VPS41: variants seen among roughly 807,000 people sequenced by gnomAD.
VPS41 encodes VPS41 subunit of HOPS complex.
VPS41 carries 85 observed loss-of-function variants against 130.9 expected under a neutral mutation model. The observed-to-expected ratio is 0.65, with a 90% confidence interval of 0.55 to 0.78. VPS41 has a LOEUF of 0.78. VPS41 is among the 30% of genes least tolerant of loss of function. The pLI is 0.00. For missense variants in VPS41, 874 were observed against 1,018.7 expected (o/e 0.86, Z 1.93); for synonymous variants, 335 against 332.9 (o/e 1.01, Z -0.07).
rs1491194855 is a variant in VPS41, at chr7:38,811,620, C to CAA, written c.450+6196_450+6197insTT. On this transcript the variant is annotated intron_variant, in intron 7 of 28. Transcript: ENST00000310301. ...ATACACACACACACACACACACACACCCCTCCATATATACAGATAGATAGA... is the reference window on the plus strand; with the variant it reads ...ATACACACACACACACACACACACACAACCCTCCATATATACAGATAGATAGA... 4.8e-3 allele frequency among the ~76,000 whole-genome samples: 722 copies of CAA among 149,476 alleles called. 7 individuals carry two copies. The highest frequency in any genetic ancestry group is 0.017 in the African/African-American group (686 of 40,534).
At chr7:38,743,363 GA>G (rs753400430) in intron 24 of VPS41, 38 bp downstream of exon 24, 34 of 1,607,258 alleles carry the variant, frequency 2.1e-5, no homozygotes, top group South Asian at 6.6e-5. Context: ...TACACTGAGA[GA>G]AAAAAAAGTT....
chr7:38,836,507 T>C (rs948818761), intron 4 of VPS41, among the ~76,000 whole-genome samples: 1 of 152,150 alleles, frequency 6.6e-6, no homozygotes, highest in Admixed American at 6.5e-5. Context: ...ATTTTACTTT[T>C]GAGATGTCCA....
At chr7:38,775,031 C>T (rs1293934771) in intron 11 of VPS41, among the ~76,000 whole-genome samples, 2 of 152,094 alleles carry the variant, frequency 1.3e-5, no homozygotes, top group East Asian at 3.9e-4. Context: ...ATGTGACTAT[C>T]CCTGCAACTA....
In VPS41 at chr7:38,763,482, T is replaced by A; in HGVS notation, c.1395A>T (p.Leu465Phe). ...CATAATCACTCTCCAAAAATTCATG[T>A]AAGATCATTTCATAGATGAGTGGTT... Reference protein sequence around the residue: ...VLKPLIYEMILHEFLESDYEG... With the variant: ...VLKPLIYEMIFHEFLESDYEG... The change falls in exon 17 of 29, where the codon TTA (leucine) becomes TTT (phenylalanine). Residue 465 changes from leucine (L) to phenylalanine (F), a missense_variant. By Grantham distance (22) the Leu-to-Phe change is conservative. Coordinates refer to ENST00000310301, the MANE Select transcript of VPS41 (RefSeq NM_014396.4). 6.2e-7 allele frequency: 1 copy of A among 1,607,082 alleles called. No homozygotes were observed. Among genetic ancestry groups the A allele is most frequent in the Non-Finnish European group, 8.5e-7 (1 of 1,177,354 alleles).
At chr7:38,844,418 T>C (rs182284153) in intron 4 of VPS41, among the ~76,000 whole-genome samples, 56 of 152,362 alleles carry the variant, frequency 3.7e-4, no homozygotes, top group East Asian at 7.7e-4. Flanking sequence ...GTTAGGAAAC[T>C]TGTTAGGAAA....
intron 7 of VPS41, among the ~76,000 whole-genome samples, chr7:38,809,239 C>CT (rs1350982798): frequency 6.6e-6 from 1 of 151,130 alleles, no homozygotes. Context: ...AATCCTAGCA[C>CT]TTTGGGAGGC....
intron 10 of VPS41, among the ~76,000 whole-genome samples, chr7:38,789,407 C>G (rs2074656): frequency 0.32 from 48,613 of 151,834 alleles, 8,443 homozygotes; most frequent in Admixed American, 0.52. Flanking sequence ...AAGCAACACT[C>G]TAGCCAAATA....
rs1584432610 is a variant in VPS41 at position 38,860,820 on chromosome 7, C to T, written c.246+1725G>A. Among the ~76,000 whole-genome samples, 3 of 151,808 alleles carry T rather than the reference C, an allele frequency of 2.0e-5. No homozygotes were observed. In the East Asian group the frequency reaches 5.8e-4, roughly 29 times the overall value. ...TGCCAGGTCGTTAGGCAGACATACG[C>T]TTGGCTTCAGTAGATTCTGCCAATG... On this transcript the variant is annotated intron_variant, in intron 4 of 28. Coordinates refer to ENST00000310301, the MANE Select transcript of VPS41 (RefSeq NM_014396.4).
intron 27 of VPS41, among the ~76,000 whole-genome samples, chr7:38,727,480 T>C (rs1050459402): frequency 1.3e-5 from 2 of 152,210 alleles, no homozygotes; most frequent in Non-Finnish European, 2.9e-5. Flanking sequence ...TCCTGCTCTG[T>C]GTGGCCAGCT....
chr7:38,844,976 G>A (rs949190784), intron 4 of VPS41, among the ~76,000 whole-genome samples: 12 of 152,084 alleles, frequency 7.9e-5, no homozygotes, highest in South Asian at 2.1e-4. Context: ...GGCACGGAAC[G>A]GCCTTTCCAC....
chr7:38,817,745 A>T, intron 7 of VPS41, 72 bp downstream of exon 7: 1 of 1,224,876 alleles, frequency 8.2e-7, no homozygotes, highest in Non-Finnish European at 1.2e-6. Flanking sequence ...AAAAACATTA[A>T]GGATAAATTA....
intron 10 of VPS41, among the ~76,000 whole-genome samples, chr7:38,779,958 A>G (rs1308450494): frequency 6.6e-6 from 1 of 152,196 alleles, no homozygotes; most frequent in Non-Finnish European, 1.5e-5. Flanking sequence ...ATTCTATTCT[A>G]TTCCACGTAA....
chr7:38,810,639 G>A (rs1404929385), intron 7 of VPS41, among the ~76,000 whole-genome samples: 1 of 152,074 alleles, frequency 6.6e-6, no homozygotes, highest in Non-Finnish European at 1.5e-5. Context: ...TGTCAGTCTA[G>A]AGATCACTGT....
intron 7 of VPS41, among the ~76,000 whole-genome samples, chr7:38,816,144 C>A (rs903576081): frequency 6.6e-6 from 1 of 152,118 alleles, no homozygotes; most frequent in Non-Finnish European, 1.5e-5. Flanking sequence ...CAGCTGCAGA[C>A]CTAAGCTAGA....
chr7:38,775,470 A>G (rs1412598774), intron 11 of VPS41: 2 of 151,742 alleles, frequency 1.3e-5, no homozygotes, highest in South Asian at 4.2e-4. Flanking sequence ...TTTTCGTTTT[A>G]CTGCTTCTTT....
At chr7:38,827,072 C>T (rs2116153573) in intron 5 of VPS41, among the ~76,000 whole-genome samples, 1 of 152,272 alleles carries the variant, frequency 6.6e-6, no homozygotes, top group East Asian at 1.9e-4. Flanking sequence ...CCCGCTTCGG[C>T]CTCCCAAAGT....
intron 19 of VPS41, among the ~76,000 whole-genome samples, chr7:38,756,384 A>G (rs982830228): frequency 6.6e-6 from 1 of 152,178 alleles, no homozygotes; most frequent in African/African-American, 2.4e-5. Context: ...CATGAGCATC[A>G]CCTCAAACCA....
At chr7:38,898,539 A>G (rs757186178) in intron 1 of VPS41, among the ~76,000 whole-genome samples, 7 of 152,244 alleles carry the variant, frequency 4.6e-5, no homozygotes, top group Non-Finnish European at 1.0e-4. Flanking sequence ...TTATCATGCT[A>G]TTAATCTGGT....
Position 38,730,988 on chromosome 7 carries a change from G to A in VPS41, c.2260-2197C>T, listed in dbSNP as rs553982967. 1.1e-4 allele frequency among the ~76,000 whole-genome samples: 16 copies of A among 152,266 alleles called. No individual in the cohort carries two copies. The South Asian group carries it at 1.7e-3, about 16-fold the overall frequency. Reference sequence around the variant, plus strand: ...TTTTCTAAACAGGTACAATCTGTCCGCCTGCAGATAGCATTTTCTAGGAAA... The same window carrying A: ...TTTTCTAAACAGGTACAATCTGTCCACCTGCAGATAGCATTTTCTAGGAAA... On this transcript the variant is annotated intron_variant, in intron 25 of 28. Transcript: ENST00000310301.
Sources: allele counts gnomAD v4.1 joint callset (sites outside exome capture counted in the v4.1 genomes callset), GRCh38; gene constraint gnomAD v4.1.1; transcripts MANE v1.5; gene names NCBI Gene and HGNC (gene_info 2026-07-23, HGNC 2026-07-21).